Variants in PLXNA4 observed in about 807,000 individuals in gnomAD.
PLXNA4 encodes the protein plexin A4, also known as plexin-A4.
A neutral mutation model predicts 191.8 loss-of-function variants in PLXNA4; 44 were observed. The ratio of observed to expected loss-of-function variants is 0.23; its 90% CI spans 0.18 to 0.29. PLXNA4 has a LOEUF of 0.29. PLXNA4 is among the 10% of genes least tolerant of loss of function. The pLI is 1.00. For synonymous variants in PLXNA4, 1,082 were observed against 1,009.5 expected (o/e 1.07, Z -1.36); for missense variants, 1,800 against 2,488.8 (o/e 0.72, Z 5.89).
At position 132,474,258 on chromosome 7, in the gene PLXNA4, A is replaced by G. The variant is rs1225684642; in HGVS notation, c.1371+15034T>C. ...CACACACACACACACACACACACAC[A>G]TGCACACACCAGCTGCAGCACTAGG... On this transcript the variant is annotated intron_variant, in intron 3 of 31. Coordinates refer to ENST00000321063, the MANE Select transcript of PLXNA4 (RefSeq NM_020911.2). Among the ~76,000 whole-genome samples, 4 of 128,572 alleles carry G rather than the reference A, an allele frequency of 3.1e-5. No homozygotes were observed. The East Asian group carries it at 8.9e-4, about 29-fold the overall frequency. 84.3% of individuals were successfully genotyped at this position (128,572 alleles called of 152,430 possible).
At chr7:132,614,810 G>A (rs796287873) in intron 2 of PLXNA4, among the ~76,000 whole-genome samples, 10 of 152,322 alleles carry the variant, frequency 6.6e-5, no homozygotes, top group African/African-American at 2.4e-4. Context: ...ACCTCCCACC[G>A]CGGAACTGAG....
At chr7:132,203,284 T>C (rs1418681518) in intron 11 of PLXNA4, 39 bp downstream of exon 11, 2 of 1,426,840 alleles carry the variant, frequency 1.4e-6, no homozygotes, top group South Asian at 1.1e-5. Context: ...ACCCCATCCC[T>C]TCCCCTCCCT....
intron 3 of PLXNA4, among the ~76,000 whole-genome samples, chr7:132,372,108 T>C (rs369154139): frequency 6.6e-6 from 1 of 152,314 alleles, no homozygotes; most frequent in African/African-American, 2.4e-5. Flanking sequence ...CTCAAGGTGG[T>C]CAGGCACATG....
At chr7:132,305,631 G>A (rs1362861994) in intron 3 of PLXNA4, among the ~76,000 whole-genome samples, 1 of 152,188 alleles carries the variant, frequency 6.6e-6, no homozygotes, top group Non-Finnish European at 1.5e-5. Flanking sequence ...AGCCATCCGG[G>A]GAGCTCCTGG....
intron 3 of PLXNA4, among the ~76,000 whole-genome samples, chr7:132,328,105 C>T (rs1029913373): frequency 3.3e-5 from 5 of 152,176 alleles, no homozygotes; most frequent in Admixed American, 6.5e-5. Context: ...TTCCTTTAGG[C>T]GTCTGACCCT....
chr7:132,265,520 G>T lies in PLXNA4; in HGVS notation c.1504-24354C>A, dbSNP rs112116600. Among the ~76,000 whole-genome samples the T allele has an allele frequency of 7.7e-3, 1,176 of 152,280 alleles. 24 individuals carry two copies. The highest frequency in any genetic ancestry group is 0.026 in the African/African-American group (1,093 of 41,548). On this transcript the variant is annotated intron_variant, in intron 4 of 31. Transcript: ENST00000321063. ...CAATATGAAGGGTGTGTATGGGAAG[G>T]ATCAGGTGGCAGGAGAACAGCAAGA...
At chr7:132,470,323 G>A (rs751232076) in intron 3 of PLXNA4, among the ~76,000 whole-genome samples, 2 of 152,142 alleles carry the variant, frequency 1.3e-5, no homozygotes, top group African/African-American at 2.4e-5. Flanking sequence ...GCTCTAGTTG[G>A]GAATGATGGC....
At chr7:132,206,437 GGTGTGTGTGTGT>G (rs61032250) in intron 10 of PLXNA4, among the ~76,000 whole-genome samples, 21 of 148,320 alleles carry the variant, frequency 1.4e-4, no homozygotes, top group African/African-American at 2.7e-4. Flanking sequence ...TATGTTTTCT[GGTGTGTGTGTGT>G]GTGTGTGTGT....
chr7:132,377,433 A>G lies in PLXNA4; in HGVS notation c.1372-79211T>C, dbSNP rs549224621. On this transcript the variant is annotated intron_variant, in intron 3 of 31. Coordinates refer to ENST00000321063, the MANE Select transcript of PLXNA4 (RefSeq NM_020911.2). The stretch of plus-strand genomic sequence containing the variant: ...ACTCAAATGAAAAAGAAAAAAAAAA[A>G]AAAAAGAAAACAAAACAAAACAAAA... Among the ~76,000 whole-genome samples the G allele has an allele frequency of 1.8e-4, 27 of 152,088 alleles. No individual in the cohort carries two copies. In the East Asian group the frequency reaches 5.2e-3, roughly 29 times the overall value.
chr7:132,390,064 TG>T (rs1364700309), intron 3 of PLXNA4, among the ~76,000 whole-genome samples: 1 of 152,206 alleles, frequency 6.6e-6, no homozygotes, highest in African/African-American at 2.4e-5. Flanking sequence ...ATCCCATCAC[TG>T]GGTATATACC....
At chr7:132,597,439 C>T (rs1184156167) in intron 2 of PLXNA4, among the ~76,000 whole-genome samples, 1 of 152,164 alleles carries the variant, frequency 6.6e-6, no homozygotes, top group African/African-American at 2.4e-5. Flanking sequence ...TGTCCTTTTA[C>T]TAAATTGTAA....
At chr7:132,562,052 TCC>T (rs1801168764) in intron 1 of PLXNA4, among the ~76,000 whole-genome samples, 1 of 40,196 alleles carries the variant, frequency 2.5e-5, no homozygotes, top group Non-Finnish European at 4.7e-5. Context: ...CCTCCTCCTC[TCC>T]CTCCTCCTTC....
At chr7:132,142,517 T>C (rs1795300694) in intron 29 of PLXNA4, among the ~76,000 whole-genome samples, 2 of 152,262 alleles carry the variant, frequency 1.3e-5, no homozygotes, top group Admixed American at 6.5e-5. Context: ...TAACAAATGC[T>C]ATTAATACAG....
intron 3 of PLXNA4, among the ~76,000 whole-genome samples, chr7:132,438,165 TATAAA>T (rs1171995457): frequency 3.3e-5 from 5 of 152,326 alleles, no homozygotes; most frequent in African/African-American, 1.2e-4. Context: ...AAAGCATATT[TATAAA>T]TTGGGTTAAA....
intron 10 of PLXNA4, among the ~76,000 whole-genome samples, chr7:132,209,830 A>G (rs1036305335): frequency 2.6e-5 from 4 of 152,212 alleles, no homozygotes; most frequent in Non-Finnish European, 5.9e-5. Context: ...GCAGTGTGAC[A>G]TAGGAGGGGT....
At chr7:132,226,348 G>T in intron 7 of PLXNA4, 88 bp from the exon 8 acceptor site, 1 of 1,166,086 alleles carries the variant, frequency 8.6e-7, no homozygotes, top group Non-Finnish European at 1.2e-6. Context: ...GGAAAAGGGA[G>T]CCTGCTCCCC....
intron 1 of PLXNA4, among the ~76,000 whole-genome samples, chr7:132,551,338 T>C (rs561927130): frequency 1.3e-5 from 2 of 152,338 alleles, no homozygotes; most frequent in South Asian, 4.1e-4. Flanking sequence ...CCTGAATGAC[T>C]GTATGGAGCA....
chr7:132,270,018 G>C (rs1863017), intron 4 of PLXNA4, among the ~76,000 whole-genome samples: 42,971 of 152,034 alleles, frequency 0.28, 6,309 homozygotes, highest in Admixed American at 0.41. Flanking sequence ...GAATCCATTC[G>C]GTTCACCCTC....
intron 3 of PLXNA4, among the ~76,000 whole-genome samples, chr7:132,351,110 T>C (rs1803467173): frequency 6.6e-6 from 1 of 152,232 alleles, no homozygotes; most frequent in Non-Finnish European, 1.5e-5. Context: ...GATAGATTAG[T>C]GGCTACCTAG....
Sources: allele counts gnomAD v4.1 joint callset (sites outside exome capture counted in the v4.1 genomes callset), GRCh38; gene constraint gnomAD v4.1.1; transcripts MANE v1.5; gene names NCBI Gene and HGNC (gene_info 2026-07-23, HGNC 2026-07-21).